Variants in CCDC102B observed in about 807,000 individuals in gnomAD.
CCDC102B encodes coiled-coil domain containing 102B.
A neutral mutation model predicts 57.4 loss-of-function variants in CCDC102B; 75 were observed. The ratio of observed to expected loss-of-function variants is 1.31; its 90% confidence interval spans 1.08 to 1.58. The LOEUF is 1.58. Among genes scored for constraint, CCDC102B ranks in the 40% most tolerant of loss-of-function variants. The pLI is 0.00. For synonymous variants in CCDC102B, 206 were observed against 201.9 expected (o/e 1.02, Z -0.17); for missense variants, 636 against 582.6 (o/e 1.09, Z -0.94).
chr18:69,051,604 A>G (rs9963297), intron 7 of CCDC102B, among the ~76,000 whole-genome samples: 2,749 of 152,120 alleles, frequency 0.018, 81 homozygotes, highest in African/African-American at 0.063. Context: ...GGAAAAAGAG[A>G]TCTTTTACTA....
intron 6 of CCDC102B, among the ~76,000 whole-genome samples, chr18:68,909,718 A>G (rs1351689994): frequency 1.3e-5 from 2 of 152,232 alleles, no homozygotes; most frequent in African/African-American, 2.4e-5. Flanking sequence ...CTGGCTGGCT[A>G]TGTGCATATG....
chr18:68,772,335 G>A lies in CCDC102B; in HGVS notation c.-66-51031G>A, dbSNP rs111926295. On this transcript the variant is annotated intron_variant, in intron 2 of 3. Coordinates refer to the CCDC102B transcript ENST00000578970. ...AATAATATGAAAAGCTGGTAGCATAGGCAGCCAAACCAAATAATTAAAACA... is the reference window on the plus strand; with the variant it reads ...AATAATATGAAAAGCTGGTAGCATAAGCAGCCAAACCAAATAATTAAAACA... 4.1e-3 allele frequency among the ~76,000 whole-genome samples: 628 copies of A among 152,202 alleles called. 2 individuals carry two copies. The highest frequency in any genetic ancestry group is 0.01 in the Middle Eastern group (3 of 294).
At chr18:68,956,032 T>C (rs2049835841) in intron 6 of CCDC102B, among the ~76,000 whole-genome samples, 2 of 151,908 alleles carry the variant, frequency 1.3e-5, no homozygotes, top group Non-Finnish European at 2.9e-5. Flanking sequence ...GTTTTAATTT[T>C]ATAGCTCCCA....
chr18:68,838,863 C>G lies in CCDC102B; in HGVS notation c.764C>G (p.Thr255Ser), dbSNP rs758389400. The change falls in exon 3 of 8, where the codon ACT (threonine) becomes AGT (serine). Residue 255 changes from threonine (T) to serine (S), a missense_variant. Physicochemically the swap from Thr to Ser is moderately conservative, Grantham distance 58. Coordinates refer to ENST00000360242, the MANE Select transcript of CCDC102B (RefSeq NM_024781.3). ...AINLPLENEV[T>S]EISALQVHLD... is the part of the protein sequence containing the mutation. ...AATCTGCCTTTGGAAAATGAAGTAA[C>G]TGAAATTTCAGCTTTGCAGGTGCAT... The G allele has an allele frequency of 2.5e-6, 4 of 1,613,918 alleles. No homozygotes were observed. The East Asian group carries it at 8.9e-5, about 36-fold the overall frequency.
In CCDC102B at chr18:68,718,590, GTGTT is replaced by G. The variant is rs548163442; in HGVS notation, c.-67+1999_-67+2002del. On this transcript the variant is annotated intron_variant, in intron 2 of 3. Transcript: ENST00000578970. The stretch of plus-strand genomic sequence containing the variant: ...ACCTTTCGGGTTTCTGTACTTTTCT[GTGTT>G]TGGGCCCTAATAAAAGCTTAAAAAT... Among the ~76,000 whole-genome samples, 943 of 152,300 alleles carry G rather than the reference GTGTT, an allele frequency of 6.2e-3. 8 individuals are homozygous for G. Among genetic ancestry groups the G allele is most frequent in the Non-Finnish European group, 0.01 (691 of 68,010 alleles).
At chr18:68,812,892 C>A (rs533838936) in intron 1 of CCDC102B, among the ~76,000 whole-genome samples, 10 of 152,106 alleles carry the variant, frequency 6.6e-5, no homozygotes, top group Admixed American at 5.2e-4. Flanking sequence ...GGGGGATATC[C>A]AGGTATCCAG....
chr18:68,982,924 G>A (rs1425147197), intron 6 of CCDC102B, among the ~76,000 whole-genome samples: 1 of 151,658 alleles, frequency 6.6e-6, no homozygotes, highest in Non-Finnish European at 1.5e-5. Context: ...TTACAAAATT[G>A]TACATCACTA....
At chr18:68,772,087 A>C (rs922048238) in intron 2 of CCDC102B, among the ~76,000 whole-genome samples, 2 of 152,192 alleles carry the variant, frequency 1.3e-5, no homozygotes, top group African/African-American at 4.8e-5. Context: ...ATGCAAAGTC[A>C]AATGTAAGGA....
chr18:68,857,421 T>C (rs1409929267), intron 4 of CCDC102B, among the ~76,000 whole-genome samples: 1 of 129,706 alleles, frequency 7.7e-6, no homozygotes, highest in African/African-American at 2.9e-5. Context: ...TATATTTATA[T>C]ATAAACACAA....
chr18:68,999,473 G>A (rs377029221), intron 6 of CCDC102B, among the ~76,000 whole-genome samples: 1 of 151,640 alleles, frequency 6.6e-6, no homozygotes, highest in South Asian at 2.1e-4. Flanking sequence ...CAGTATGGTG[G>A]TGCATGCCTG....
intron 7 of CCDC102B, among the ~76,000 whole-genome samples, chr18:69,024,384 TA>T (rs1365689387): frequency 6.6e-6 from 1 of 152,116 alleles, no homozygotes; most frequent in Non-Finnish European, 1.5e-5. Flanking sequence ...TCAGATGAGC[TA>T]TTTTATCTTA....
chr18:68,892,035 C>A (rs758769895), intron 5 of CCDC102B, among the ~76,000 whole-genome samples: 3 of 152,056 alleles, frequency 2.0e-5, no homozygotes, highest in Admixed American at 6.6e-5. Flanking sequence ...TTGTAATATG[C>A]CCTCTTTTGT....
In CCDC102B at chr18:68,728,710, A is replaced by G. The variant is rs116470960; in HGVS notation, c.-67+12116A>G. Among the ~76,000 whole-genome samples the G allele has an allele frequency of 5.4e-3, 818 of 152,342 alleles. 9 individuals carry two copies. Among genetic ancestry groups the G allele is most frequent in the African/African-American group, 0.019 (777 of 41,566 alleles). On this transcript the variant is annotated intron_variant, in intron 2 of 3. Transcript: ENST00000578970. ...GTTGAGAAACACCAGGATACACAATAAGGATCAATAATATTCATCAAACAT... is the reference window on the plus strand; with the variant it reads ...GTTGAGAAACACCAGGATACACAATGAGGATCAATAATATTCATCAAACAT...
chr18:69,013,002 G>A (rs1456767996), intron 7 of CCDC102B, among the ~76,000 whole-genome samples: 5 of 151,564 alleles, frequency 3.3e-5, no homozygotes, highest in African/African-American at 9.7e-5. Flanking sequence ...ATTTTATCTA[G>A]CAATCTTACT....
intron 7 of CCDC102B, among the ~76,000 whole-genome samples, chr18:69,028,175 C>G (rs948227251): frequency 3.5e-4 from 53 of 152,066 alleles, no homozygotes; most frequent in African/African-American, 1.2e-3. Context: ...AGGGAGAAAG[C>G]TGCTTGGAAT....
At position 68,835,249 on chromosome 18, in the gene CCDC102B, G is replaced by T. The variant is rs542984223; in HGVS notation, c.-15-1500G>T. 2.0e-5 allele frequency among the ~76,000 whole-genome samples: 3 copies of T among 152,164 alleles called. No individual in the cohort carries two copies. The South Asian group carries it at 6.2e-4, about 32-fold the overall frequency. ...GATTTTAATTCCTTTACAAAGCTTT[G>T]CATTGGGCTAAGACTCTGTGTAGTG... On this transcript the variant is annotated intron_variant, in intron 1 of 7. Transcript: ENST00000360242.
At chr18:68,985,472 T>C (rs1167244100) in intron 6 of CCDC102B, among the ~76,000 whole-genome samples, 3 of 152,060 alleles carry the variant, frequency 2.0e-5, no homozygotes, top group Non-Finnish European at 4.4e-5. Context: ...ATAGATGCAA[T>C]TGAAGAGCTG....
intron 4 of CCDC102B, among the ~76,000 whole-genome samples, chr18:68,860,477 A>ACAAC (rs1415462897): frequency 1.8e-5 from 2 of 114,184 alleles, no homozygotes; most frequent in Non-Finnish European, 3.8e-5. Flanking sequence ...AACAAAAACA[A>ACAAC]AAAAAAAAAA....
At chr18:69,030,124 C>T (rs116264456) in intron 7 of CCDC102B, among the ~76,000 whole-genome samples, 2,759 of 152,148 alleles carry the variant, frequency 0.018, 70 homozygotes, top group African/African-American at 0.063. Flanking sequence ...TTCAAAATAG[C>T]CTAACAGTGA....
Sources: gnomAD v4.1 joint callset for allele counts (sites outside exome capture counted in the v4.1 genomes callset) on GRCh38, gnomAD v4.1.1 for gene constraint, MANE v1.5 for transcripts, NCBI Gene and HGNC (gene_info 2026-07-23, HGNC 2026-07-21) for gene names.